The following IRAG2 variants were observed in gnomAD, a reference collection of about 807,000 sequenced individuals.
IRAG2 encodes inositol 1,4,5-triphosphate receptor associated 2.
Under a neutral mutation model 69.9 loss-of-function variants are expected in IRAG2, and 45 were observed. That is an observed-to-expected ratio of 0.64 (90% CI 0.51 to 0.83). The LOEUF is 0.83. Among genes scored for constraint, IRAG2 ranks in the 40% least tolerant of loss-of-function variants. The pLI, the probability that IRAG2 is intolerant of heterozygous loss-of-function variation, is 0.00. For missense variants in IRAG2, 520 were observed against 587.0 expected, an observed-to-expected ratio of 0.89 and a Z score of 1.18; for synonymous variants, 193 against 202.4, an observed-to-expected ratio of 0.95 and a Z score of 0.40.
intron 16 of IRAG2, among the ~76,000 whole-genome samples, chr12:25,046,641 A>G (rs1446103564): frequency 6.6e-6 from 1 of 152,148 alleles, no homozygotes; most frequent in East Asian, 1.9e-4. Context: ...AAAACATATA[A>G]TAAAAACTAC....
At chr12:25,049,495 C>G (rs1331179104), upstream of IRAG2, among the ~76,000 whole-genome samples, 1 of 151,992 alleles carries the variant, frequency 6.6e-6, no homozygotes, top group Admixed American at 6.6e-5. Context: ...TAAGAAACCC[C>G]TACAACTCCA....
At chr12:25,017,382 A>G in intron 6 of IRAG2, 2 of 1,079,080 alleles carry the variant, frequency 1.9e-6, no homozygotes, top group African/African-American at 1.6e-5. Context: ...GTCACACAGC[A>G]TAAAATTCAT....
intron 5 of IRAG2, among the ~76,000 whole-genome samples, chr12:25,067,905 A>G (rs1946092698): frequency 1.3e-5 from 2 of 152,118 alleles, no homozygotes; most frequent in African/African-American, 4.8e-5. Context: ...CAGTGGCATG[A>G]TCTCGGCTCA....
At chr12:25,107,150 C>A in intron 21 of IRAG2, 100 bp downstream of exon 21, 1 of 513,226 alleles carries the variant, frequency 1.9e-6, no homozygotes, top group Non-Finnish European at 3.4e-6. Context: ...AAAAGACATG[C>A]CAAATTGTTG....
At chr12:25,105,798 G>A (rs933158501) in intron 20 of IRAG2, among the ~76,000 whole-genome samples, 10 of 152,078 alleles carry the variant, frequency 6.6e-5, no homozygotes, top group African/African-American at 2.4e-4. Flanking sequence ...TTTGGGTCTT[G>A]TTTTCTTTAA....
At chr12:25,046,087 T>C (rs1236543208) in intron 16 of IRAG2, among the ~76,000 whole-genome samples, 1 of 152,132 alleles carries the variant, frequency 6.6e-6, no homozygotes, top group Non-Finnish European at 1.5e-5. Context: ...TATCTTGATA[T>C]ACCACATTAA....
chr12:25,079,843 C>T (rs1947076240), intron 9 of IRAG2, 80 bp downstream of exon 9: 2 of 778,610 alleles, frequency 2.6e-6, no homozygotes, highest in East Asian at 2.5e-5. Context: ...TAACTATCCA[C>T]ACTAGCTCAA....
intron 6 of IRAG2, chr12:25,017,425 G>A (rs1591925868): frequency 8.8e-6 from 8 of 908,780 alleles, no homozygotes; most frequent in Non-Finnish European, 1.1e-5. Context: ...TGTTTTTAGA[G>A]TATATTCTCT....
At chr12:25,056,590 T>A (rs1945272572) in intron 1 of IRAG2, among the ~76,000 whole-genome samples, 1 of 152,224 alleles carries the variant, frequency 6.6e-6, no homozygotes, top group South Asian at 2.1e-4. Context: ...AATAACATAA[T>A]AAATGCAAAA....
intron 6 of IRAG2, among the ~76,000 whole-genome samples, chr12:25,071,756 A>T (rs2140039559): frequency 6.6e-6 from 1 of 151,968 alleles, no homozygotes; most frequent in East Asian, 1.9e-4. Context: ...GAATTTAGAC[A>T]TTTTAATCAT....
At chr12:25,086,899 C>T (rs548699736) in intron 10 of IRAG2, among the ~76,000 whole-genome samples, 1 of 152,204 alleles carries the variant, frequency 6.6e-6, no homozygotes, top group African/African-American at 2.4e-5. Flanking sequence ...AAACAGCAGC[C>T]ACACACAACT....
At chr12:25,062,241 A>G (rs1270703801) in intron 2 of IRAG2, among the ~76,000 whole-genome samples, 1 of 152,146 alleles carries the variant, frequency 6.6e-6, no homozygotes, top group African/African-American at 2.4e-5. Flanking sequence ...GAAAGAAAGA[A>G]GGGTGATATT....
intron 8 of IRAG2, chr12:25,023,947 C>T (rs1944602918): frequency 3.5e-6 from 4 of 1,151,726 alleles, no homozygotes; most frequent in Non-Finnish European, 4.4e-6. Flanking sequence ...TAAACACTGG[C>T]ATAGACAAAC....
upstream of IRAG2, among the ~76,000 whole-genome samples, chr12:25,047,284 CA>C (rs1944802650): frequency 6.6e-6 from 1 of 152,078 alleles, no homozygotes; most frequent in Non-Finnish European, 1.5e-5. Flanking sequence ...GATATGACAC[CA>C]AAAGCACAGG....
At chr12:25,039,799 G>A (rs1944733147) in intron 16 of IRAG2, among the ~76,000 whole-genome samples, 1 of 152,150 alleles carries the variant, frequency 6.6e-6, no homozygotes, top group African/African-American at 2.4e-5. Flanking sequence ...CGAAATGAGT[G>A]AATCTTCTGT....
upstream of IRAG2, among the ~76,000 whole-genome samples, chr12:25,003,955 G>T (rs540306226): frequency 1.3e-5 from 2 of 152,138 alleles, no homozygotes; most frequent in Non-Finnish European, 2.9e-5. Flanking sequence ...GACTGCCTGC[G>T]TTAGAATCTG....
At chr12:25,099,781 C>A (rs1403624216) in intron 15 of IRAG2, among the ~76,000 whole-genome samples, 1 of 151,950 alleles carries the variant, frequency 6.6e-6, no homozygotes, top group Non-Finnish European at 1.5e-5. Flanking sequence ...ATGGGCAGAT[C>A]ATGAGGTCAG....
At chr12:25,050,168 G>A (rs201225723), upstream of IRAG2, among the ~76,000 whole-genome samples, 5 of 151,714 alleles carry the variant, frequency 3.3e-5, no homozygotes, top group East Asian at 9.8e-4. Flanking sequence ...AAGTGTTGGT[G>A]AGGATGTAGA....
intron 16 of IRAG2, among the ~76,000 whole-genome samples, chr12:25,046,439 A>G (rs1276572320): frequency 6.6e-6 from 1 of 152,178 alleles, no homozygotes; most frequent in African/African-American, 2.4e-5. Context: ...GATCTTATTT[A>G]TAGAAAACTC....
Sources: gnomAD v4.1 joint callset for allele counts (sites outside exome capture counted in the v4.1 genomes callset) on GRCh38, gnomAD v4.1.1 for gene constraint, MANE v1.5 for transcripts, NCBI Gene and HGNC (gene_info 2026-07-23, HGNC 2026-07-21) for gene names.